The following CREG2 variants were observed in gnomAD, a reference collection of about 807,000 sequenced individuals.
CREG2 encodes protein CREG2.
In CREG2, 24 loss-of-function variants were observed where a neutral mutation model predicts 26.2. The observed-to-expected ratio is 0.92, with a 90% confidence interval of 0.66 to 1.29. CREG2 has a LOEUF of 1.29. Ranked by LOEUF, CREG2 falls within the 50% of genes most tolerant of loss-of-function variation. The pLI is 0.00. For missense variants in CREG2, 366 were observed against 398.6 expected, an observed-to-expected ratio of 0.92 and a Z score of 0.70; for synonymous variants, 174 against 169.2, an observed-to-expected ratio of 1.03 and a Z score of -0.22.
intron 3 of CREG2, among the ~76,000 whole-genome samples, chr2:101,354,482 C>A (rs186792917): frequency 1.3e-5 from 2 of 152,212 alleles, no homozygotes; most frequent in African/African-American, 4.8e-5. Flanking sequence ...GGTTGTGGAT[C>A]GCCCCTCCAG....
intron 2 of CREG2, among the ~76,000 whole-genome samples, chr2:101,357,278 C>G (rs1684476691): frequency 6.6e-6 from 1 of 152,078 alleles, no homozygotes; most frequent in Admixed American, 6.5e-5. Flanking sequence ...CCGCCTCAGC[C>G]TCCCAAAATG....
At chr2:101,381,192 CA>C (rs950612524) in intron 2 of CREG2, among the ~76,000 whole-genome samples, 9 of 152,294 alleles carry the variant, frequency 5.9e-5, no homozygotes, top group Non-Finnish European at 1.3e-4. Flanking sequence ...GCAGGAGGGG[CA>C]CCTTGCTGGT....
intron 2 of CREG2, among the ~76,000 whole-genome samples, chr2:101,380,635 C>T (rs1403896109): frequency 1.3e-5 from 2 of 152,194 alleles, no homozygotes; most frequent in Non-Finnish European, 2.9e-5. Context: ...GAAGACACCA[C>T]GTGGGATGGT....
At chr2:101,384,357 T>G (rs1280645320) in intron 1 of CREG2, among the ~76,000 whole-genome samples, 1 of 152,202 alleles carries the variant, frequency 6.6e-6, no homozygotes. Context: ...CCAATTTTTC[T>G]TCATGATCAC....
intron 2 of CREG2, among the ~76,000 whole-genome samples, chr2:101,361,882 G>A (rs1466180621): frequency 1.3e-5 from 2 of 152,078 alleles, no homozygotes; most frequent in Non-Finnish European, 2.9e-5. Context: ...GATGCATGCT[G>A]TCAATTGGTG....
chr2:101,383,509 G>A, intron 2 of CREG2, 24 bp downstream of exon 2: 1 of 1,612,472 alleles, frequency 6.2e-7, no homozygotes, highest in Non-Finnish European at 8.5e-7. Context: ...GGACCCGTGT[G>A]AGTGAGGGCA....
chr2:101,387,185 G>A lies in CREG2; in HGVS notation c.273C>T (p.Ala91=), dbSNP rs1292541888. ...GCGCGGGGGGCGGCCTGGCCCGGGCGGCGCCCGCCCGGGGCCGCAGGTGCG... is the reference window on the plus strand; with the variant it reads ...GCGCGGGGGGCGGCCTGGCCCGGGCAGCGCCCGCCCGGGGCCGCAGGTGCG... ...EDAHLRPRAG[A]ARARPPPAPP... is the part of the protein sequence containing the mutation. The change falls in exon 1 of 4, where the codon GCC becomes GCT. Residue 91 remains alanine (A), a synonymous_variant. Coordinates refer to ENST00000324768, the MANE Select transcript of CREG2 (RefSeq NM_153836.4). This position sits in a 1 kb window ranked among gnomAD's most constrained non-coding sequence, Gnocchi z 4.7. The A allele has an allele frequency of 1.5e-6, 2 of 1,335,672 alleles. No homozygotes were observed. Among genetic ancestry groups the A allele is most frequent in the Non-Finnish European group, 1.9e-6 (2 of 1,033,446 alleles). 82.7% of individuals were successfully genotyped at this position (1,335,672 alleles called of 1,614,324 possible). A position where few individuals can be genotyped will look rare whatever the true frequency, so the allele number is the denominator to read the frequency against.
intron 2 of CREG2, among the ~76,000 whole-genome samples, chr2:101,380,513 C>G (rs1006338996): frequency 6.6e-6 from 1 of 152,238 alleles, no homozygotes; most frequent in African/African-American, 2.4e-5. Context: ...TCAGGACTTG[C>G]TTTATGGTCC....
At chr2:101,365,085 G>C (rs1684600021) in intron 2 of CREG2, among the ~76,000 whole-genome samples, 1 of 152,188 alleles carries the variant, frequency 6.6e-6, no homozygotes, top group Non-Finnish European at 1.5e-5. Flanking sequence ...TGGAGTGTAG[G>C]ATGCGCCTTC....
At position 101,387,334 on chromosome 2, in the gene CREG2, C is replaced by G. The variant is rs1396547413; in HGVS notation, c.124G>C (p.Val42Leu). 3 of 1,488,584 alleles carry G rather than the reference C, an allele frequency of 2.0e-6. No homozygotes were observed. Among genetic ancestry groups the G allele is most frequent in the Non-Finnish European group, 2.7e-6 (3 of 1,112,110 alleles). The allele number at this position is 1,488,584 out of a possible 1,614,324, so 92.2% of individuals were successfully genotyped here. The change falls in exon 1 of 4, where the codon GTC (valine) becomes CTC (leucine). Residue 42 changes from valine (V) to leucine (L), a missense_variant. Coordinates refer to ENST00000324768, the MANE Select transcript of CREG2 (RefSeq NM_153836.4). The surrounding 1 kb of genome is among the most constrained non-coding windows in gnomAD (Gnocchi z 4.7). ...YVIVSSVSWA[V>L]TNEVDEELDS... ...AGCTCCTCGTCCACCTCGTTGGTGACGGCCCAAGACACGGAGCTCACGATC... is the reference window on the plus strand; with the variant it reads ...AGCTCCTCGTCCACCTCGTTGGTGAGGGCCCAAGACACGGAGCTCACGATC...
chr2:101,384,431 A>C (rs1295538558), intron 1 of CREG2, among the ~76,000 whole-genome samples: 3 of 152,160 alleles, frequency 2.0e-5, no homozygotes, highest in Non-Finnish European at 2.9e-5. Context: ...TCTCATGTTA[A>C]ATTCTGATCC....
intron 2 of CREG2, among the ~76,000 whole-genome samples, chr2:101,362,222 G>A (rs1466373974): frequency 6.6e-6 from 1 of 152,120 alleles, no homozygotes; most frequent in Non-Finnish European, 1.5e-5. Flanking sequence ...CATAAACAGG[G>A]GAGGATCCGT....
chr2:101,374,552 C>A (rs1015219814), intron 2 of CREG2, among the ~76,000 whole-genome samples: 6 of 152,222 alleles, frequency 3.9e-5, no homozygotes, highest in African/African-American at 1.4e-4. Flanking sequence ...GTTTCTATAA[C>A]CGATTAGGTC....
Position 101,348,171 on chromosome 2 carries a change from C to T in CREG2, c.*2752G>A, listed in dbSNP as rs1573297155. On this transcript the variant is annotated 3_prime_UTR_variant, in exon 4 of 4. Coordinates refer to ENST00000324768, the MANE Select transcript of CREG2 (RefSeq NM_153836.4). ...GTTCCATCAATGTGTTTCTATGCCT[C>T]CACCAAATACCACACTTCTTGAATA... 1 of 152,166 alleles carries T rather than the reference C, an allele frequency of 6.6e-6. No individual in the cohort carries two copies. Among genetic ancestry groups the T allele is most frequent in the Admixed American group, 6.5e-5 (1 of 15,276 alleles). 9.4% of individuals were successfully genotyped at this position (152,166 alleles called of 1,614,324 possible). A position where few individuals can be genotyped will look rare whatever the true frequency, so the allele number is the denominator to read the frequency against.
At chr2:101,365,937 A>G (rs1684611274) in intron 2 of CREG2, among the ~76,000 whole-genome samples, 2 of 152,334 alleles carry the variant, frequency 1.3e-5, no homozygotes, top group East Asian at 1.9e-4. Flanking sequence ...CCAATTGTTC[A>G]TTCATCCACA....
chr2:101,382,029 G>T (rs974483632), intron 2 of CREG2: 1 of 152,344 alleles, frequency 6.6e-6, no homozygotes, highest in East Asian at 1.9e-4. Flanking sequence ...CTGGAGTGCT[G>T]CCGCAGCTTT....
chr2:101,373,194 A>G (rs1463423221), intron 2 of CREG2, among the ~76,000 whole-genome samples: 1 of 152,246 alleles, frequency 6.6e-6, no homozygotes, highest in African/African-American at 2.4e-5. Flanking sequence ...GAGCCAAAAC[A>G]TGGAAACAAA....
chr2:101,353,070 G>A (rs980351884), intron 3 of CREG2, among the ~76,000 whole-genome samples: 2 of 152,190 alleles, frequency 1.3e-5, no homozygotes, highest in African/African-American at 4.8e-5. Flanking sequence ...AATAGGAAAT[G>A]TTCACATCTT....
chr2:101,359,053 AAAAAAAAAAAAAAAAAAAAG>A lies in CREG2; in HGVS notation c.612-3707_612-3688del, dbSNP rs1225151588. On this transcript the variant is annotated intron_variant, in intron 2 of 3. Transcript: ENST00000324768. ...CCGTCTCAAAAAAAAAAAAAAAAAA[AAAAAAAAAAAAAAAAAAAAG>A]AGAGAACTGAGGCAAGTTTTAGAGC... 5.3e-3 allele frequency among the ~76,000 whole-genome samples: 97 copies of A among 18,216 alleles called. 35 individuals carry two copies. Among genetic ancestry groups the A allele is most frequent in the Non-Finnish European group, 0.022 (77 of 3,448 alleles). The allele number at this position is 18,216 out of a possible 152,430, so 12.0% of individuals were successfully genotyped here.
Sources: allele counts gnomAD v4.1 joint callset (sites outside exome capture counted in the v4.1 genomes callset), GRCh38; gene constraint gnomAD v4.1.1; non-coding constraint Gnocchi (gnomAD v3.1); transcripts MANE v1.5; gene names NCBI Gene and HGNC (gene_info 2026-07-23, HGNC 2026-07-21).